Variants in TENM2 observed in about 807,000 individuals in gnomAD.
The protein encoded by TENM2 is teneurin-2.
TENM2 carries 52 observed loss-of-function variants against 245.2 expected under a neutral mutation model. That is an observed-to-expected ratio of 0.21 (90% CI 0.17 to 0.27). The LOEUF (loss-of-function observed/expected upper bound fraction) is 0.27, where lower values mean the gene tolerates loss of function less well. Ranked by LOEUF, TENM2 falls within the 10% of genes least tolerant of loss-of-function variation. The pLI is 1.00. For missense variants in TENM2, 3,046 were observed against 3,666.8 expected (o/e 0.83, Z 4.37); for synonymous variants, 1,363 against 1,438.9 (o/e 0.95, Z 1.19).
chr5:167,354,201 A>C (rs185114620), intron 1 of TENM2, among the ~76,000 whole-genome samples: 1 of 152,344 alleles, frequency 6.6e-6, no homozygotes, highest in Non-Finnish European at 1.5e-5. Context: ...CAAGTCAACA[A>C]GTCAGTGTCC....
At chr5:168,014,893 G>A (rs1470590643) in intron 5 of TENM2, among the ~76,000 whole-genome samples, 1 of 152,164 alleles carries the variant, frequency 6.6e-6, no homozygotes, top group Non-Finnish European at 1.5e-5. Context: ...CAGCCAAGCA[G>A]TTCATGAGGC....
intron 2 of TENM2, among the ~76,000 whole-genome samples, chr5:167,672,372 A>G: frequency 6.6e-6 from 1 of 152,060 alleles, no homozygotes; most frequent in East Asian, 1.9e-4. Flanking sequence ...ACCTGATTTA[A>G]TATATAACAT....
rs73375639 is a variant in TENM2, at chr5:167,986,393, C to T, written c.948-6551C>T. Among the ~76,000 whole-genome samples the T allele has an allele frequency of 5.6e-3, 849 of 152,284 alleles. 12 individuals are homozygous for T. The highest frequency in any genetic ancestry group is 0.019 in the African/African-American group (805 of 41,548). On this transcript the variant is annotated intron_variant, in intron 4 of 28. Transcript: ENST00000518659. ...AACGCAGAACCTTTGCCTTACTATT[C>T]CATCCCAAGCCCCTAACCTGTGCCT... is the stretch of plus-strand genomic sequence containing the variant.
chr5:167,952,600 A>T, exon 4 of TENM2: 1 of 1,610,590 alleles, frequency 6.2e-7, no homozygotes, highest in Non-Finnish European at 8.5e-7. Context: ...CCTCCGAACC[A>T]CCACAGCCAG....
At chr5:168,065,703 CAG>C (rs1339485391) in intron 7 of TENM2, among the ~76,000 whole-genome samples, 2 of 150,704 alleles carry the variant, frequency 1.3e-5, no homozygotes, top group African/African-American at 4.9e-5. Flanking sequence ...GTTTTACAAA[CAG>C]AGAAACAAAA....
chr5:167,720,509 C>G (rs1561704477), intron 2 of TENM2, among the ~76,000 whole-genome samples: 1 of 152,176 alleles, frequency 6.6e-6, no homozygotes. Flanking sequence ...TTAGTAGGCA[C>G]TCTATATTTG....
At chr5:168,181,322 A>G (rs1414596059) in intron 13 of TENM2, among the ~76,000 whole-genome samples, 1 of 152,216 alleles carries the variant, frequency 6.6e-6, no homozygotes, top group African/African-American at 2.4e-5. Flanking sequence ...CATTTCCCCC[A>G]GTGGCTTCAA....
At chr5:167,478,235 T>C (rs750444950) in intron 2 of TENM2, among the ~76,000 whole-genome samples, 1 of 152,222 alleles carries the variant, frequency 6.6e-6, no homozygotes, top group Non-Finnish European at 1.5e-5. Flanking sequence ...AAACATGGCT[T>C]GCAGGAGCTG....
intron 12 of TENM2, among the ~76,000 whole-genome samples, chr5:168,133,981 C>A (rs1033872705): frequency 4.0e-5 from 6 of 151,836 alleles, no homozygotes; most frequent in Admixed American, 2.0e-4. Context: ...ATGGTGAAAC[C>A]CCGCCTCTAC....
At chr5:167,204,163 A>AG in the TENM2 span, among the ~76,000 whole-genome samples, 1 of 151,972 alleles carries the variant, frequency 6.6e-6, no homozygotes, top group Non-Finnish European at 1.5e-5. Context: ...TTAGAAGGAA[A>AG]AAAAAAAAGG....
chr5:167,021,690 T>C, the TENM2 span, among the ~76,000 whole-genome samples: 1 of 152,332 alleles, frequency 6.6e-6, no homozygotes, highest in African/African-American at 2.4e-5. Context: ...AACTGATGGA[T>C]GTTGCCTAGA....
intron 2 of TENM2, among the ~76,000 whole-genome samples, chr5:167,730,279 G>C (rs1760328430): frequency 1.3e-5 from 2 of 152,192 alleles, no homozygotes; most frequent in African/African-American, 2.4e-5. Flanking sequence ...ATTGAGGTCA[G>C]TTGAGGATGT....
chr5:167,200,356 T>G, the TENM2 span, among the ~76,000 whole-genome samples: 2 of 152,052 alleles, frequency 1.3e-5, no homozygotes, highest in Non-Finnish European at 2.9e-5. Flanking sequence ...TGCTTTTCAC[T>G]TAGCTCTTAT....
At chr5:167,180,315 G>T in the TENM2 span, among the ~76,000 whole-genome samples, 1 of 151,868 alleles carries the variant, frequency 6.6e-6, no homozygotes, top group South Asian at 2.1e-4. Context: ...CTCCACGTTG[G>T]TCAGGCTGGT....
chr5:167,949,233 C>A (rs1334103860), intron 3 of TENM2, among the ~76,000 whole-genome samples: 1 of 152,184 alleles, frequency 6.6e-6, no homozygotes, highest in African/African-American at 2.4e-5. Context: ...CACCCCACCC[C>A]TCACAGCATT....
intron 2 of TENM2, among the ~76,000 whole-genome samples, chr5:167,663,894 A>G (rs1018077957): frequency 2.6e-5 from 4 of 152,156 alleles, no homozygotes; most frequent in Admixed American, 6.6e-5. Context: ...TTTTTCCTTG[A>G]GAGTGTCTTG....
chr5:167,377,921 C>G (rs1344442260), intron 2 of TENM2, among the ~76,000 whole-genome samples: 1 of 152,110 alleles, frequency 6.6e-6, no homozygotes, highest in Non-Finnish European at 1.5e-5. Context: ...AATCAATAAC[C>G]TTTTAGGTAT....
intron 2 of TENM2, among the ~76,000 whole-genome samples, chr5:167,682,024 CCCTT>C (rs1050105797): frequency 2.6e-5 from 4 of 151,194 alleles, no homozygotes; most frequent in East Asian, 2.0e-4. Flanking sequence ...AGAGAGAATG[CCCTT>C]CCTTCCTTCC....
the TENM2 span, among the ~76,000 whole-genome samples, chr5:167,256,706 A>C: frequency 6.6e-6 from 1 of 152,112 alleles, no homozygotes; most frequent in African/African-American, 2.4e-5. Context: ...AATATATGGA[A>C]ATATAAGTAG....
Sources: gnomAD v4.1 joint callset for allele counts (sites outside exome capture counted in the v4.1 genomes callset) on GRCh38, gnomAD v4.1.1 for gene constraint, MANE v1.5 for transcripts, NCBI Gene and HGNC (gene_info 2026-07-23, HGNC 2026-07-21) for gene names.